INO80: variants seen among roughly 807,000 people sequenced by gnomAD.
INO80 encodes chromatin-remodeling ATPase INO80.
In INO80, 20 loss-of-function variants were observed where a neutral mutation model predicts 203.4. That is an observed-to-expected ratio of 0.10 (90% CI 0.07 to 0.14). INO80 has a LOEUF of 0.14. Among genes scored for constraint, INO80 ranks in the 10% least tolerant of loss-of-function variants. The pLI is 1.00. For missense variants in INO80, 1,419 were observed against 1,914.4 expected, an observed-to-expected ratio of 0.74 and a Z score of 4.83; for synonymous variants, 726 against 685.2, an observed-to-expected ratio of 1.06 and a Z score of -0.93.
chr15:41,056,815 A>T (rs1035957930), intron 16 of INO80, 109 bp from the exon 17 acceptor site: 10 of 790,742 alleles, frequency 1.3e-5, no homozygotes, highest in Non-Finnish European at 2.2e-5. Context: ...TAACATTCAG[A>T]ATCAAGTACT....
chr15:41,084,639 C>A (rs938625364), intron 7 of INO80, among the ~76,000 whole-genome samples: 7 of 152,174 alleles, frequency 4.6e-5, no homozygotes, highest in Non-Finnish European at 1.0e-4. Context: ...TTAACTCGTT[C>A]ACATTTTATT....
intron 1 of INO80, among the ~76,000 whole-genome samples, chr15:41,115,350 T>C (rs2046016622): frequency 6.6e-6 from 1 of 152,188 alleles, no homozygotes. Flanking sequence ...CAAGAAGGAA[T>C]GTCAAAATAG....
intron 1 of INO80, among the ~76,000 whole-genome samples, chr15:41,115,239 T>C (rs138163041): frequency 1.3e-3 from 205 of 152,296 alleles, no homozygotes; most frequent in African/African-American, 4.7e-3. Flanking sequence ...AGTTGGCTGT[T>C]AACTAGAATA....
At chr15:40,985,647 C>T (rs1271739530) in intron 31 of INO80, among the ~76,000 whole-genome samples, 5 of 152,132 alleles carry the variant, frequency 3.3e-5, no homozygotes, top group Admixed American at 1.3e-4. Flanking sequence ...TGGTGACTCA[C>T]GTCTGTAATC....
chr15:41,081,128 A>G, intron 7 of INO80, 55 bp from the exon 8 acceptor site: 1 of 1,110,690 alleles, frequency 9.0e-7, no homozygotes, highest in South Asian at 1.3e-5. Flanking sequence ...AACTAAGACT[A>G]TGTAGAATGA....
At chr15:41,007,202 T>TTA (rs2044057970) in intron 27 of INO80, among the ~76,000 whole-genome samples, 7 of 122,326 alleles carry the variant, frequency 5.7e-5, no homozygotes, top group Admixed American at 5.6e-4. Context: ...TTTTTTTTTT[T>TTA]AGACACTGTC....
At chr15:41,057,358 G>A (rs2045004699) in intron 16 of INO80, among the ~76,000 whole-genome samples, 1 of 151,838 alleles carries the variant, frequency 6.6e-6, no homozygotes, top group Admixed American at 6.6e-5. Flanking sequence ...AGACTGAGAT[G>A]GGAGGATCGT....
intron 9 of INO80, among the ~76,000 whole-genome samples, chr15:41,078,356 A>G (rs914313978): frequency 1.1e-4 from 16 of 152,220 alleles, no homozygotes; most frequent in Non-Finnish European, 1.5e-4. Flanking sequence ...AACATAACTA[A>G]GAATCTAGGT....
chr15:41,009,339 G>A (rs1241510909), intron 27 of INO80, among the ~76,000 whole-genome samples: 3 of 147,784 alleles, frequency 2.0e-5, no homozygotes, highest in South Asian at 2.2e-4. Context: ...CCACTAACTC[G>A]TCATCTAGCA....
intron 14 of INO80, among the ~76,000 whole-genome samples, chr15:41,061,157 G>C (rs887960109): frequency 2.6e-5 from 4 of 151,522 alleles, no homozygotes; most frequent in African/African-American, 9.7e-5. Flanking sequence ...AAATACAAAA[G>C]TTAGCTAGGT....
chr15:41,019,601 T>C (rs2925345), intron 26 of INO80: 65,502 of 152,102 alleles, frequency 0.43, 16,765 homozygotes, highest in East Asian at 0.67. Context: ...ACGGTGCTCA[T>C]CTCTTGCCTG....
intron 27 of INO80, among the ~76,000 whole-genome samples, chr15:41,009,638 G>T (rs1357970299): frequency 4.6e-5 from 7 of 151,904 alleles, no homozygotes; most frequent in African/African-American, 1.7e-4. Flanking sequence ...TATTGCACAG[G>T]ATGAAGTATA....
chr15:41,065,931 T>C (rs2045203834), intron 14 of INO80, among the ~76,000 whole-genome samples: 1 of 151,640 alleles, frequency 6.6e-6, no homozygotes, highest in Admixed American at 6.6e-5. Context: ...GTTATGAAAC[T>C]AGACAGCAGT....
At chr15:40,996,520 T>G (rs1340054722) in intron 29 of INO80, among the ~76,000 whole-genome samples, 1 of 151,770 alleles carries the variant, frequency 6.6e-6, no homozygotes, top group Non-Finnish European at 1.5e-5. Flanking sequence ...GAGACGTGGT[T>G]TCACCATGTT....
intron 16 of INO80, among the ~76,000 whole-genome samples, chr15:41,057,065 A>C (rs1226496016): frequency 6.6e-6 from 1 of 152,198 alleles, no homozygotes; most frequent in South Asian, 2.1e-4. Flanking sequence ...CAAAATTATT[A>C]ATCTGTGCAC....
At chr15:40,985,907 A>T (rs2043726071) in intron 31 of INO80, among the ~76,000 whole-genome samples, 1 of 151,648 alleles carries the variant, frequency 6.6e-6, no homozygotes, top group African/African-American at 2.4e-5. Flanking sequence ...AACTCTGTCT[A>T]AAAAAAAATT....
chr15:41,054,172 A>T (rs1566930222), intron 18 of INO80, among the ~76,000 whole-genome samples, 158 bp from the exon 19 acceptor site: 1 of 152,246 alleles, frequency 6.6e-6, no homozygotes, highest in African/African-American at 2.4e-5. Flanking sequence ...TAGGAAAGCA[A>T]GGAATTTTAA....
intron 9 of INO80, among the ~76,000 whole-genome samples, chr15:41,074,915 G>T (rs1415391925): frequency 6.6e-6 from 1 of 152,026 alleles, no homozygotes; most frequent in Non-Finnish European, 1.5e-5. Context: ...CGGCTAATTT[G>T]TATATTACTA....
Position 40,995,610 on chromosome 15 carries a change from G to C in INO80, c.3570+1919C>G, listed in dbSNP as rs1190608442. Among the ~76,000 whole-genome samples the C allele has an allele frequency of 3.3e-5, 5 of 152,294 alleles. No individual in the cohort carries two copies. The South Asian group carries it at 8.3e-4, about 25-fold the overall frequency. ...ACTAACAGAGTACCAGCATAGCAAAGAATGGATTTGGATCAACAGGTATGA... is the reference window on the plus strand; with the variant it reads ...ACTAACAGAGTACCAGCATAGCAAACAATGGATTTGGATCAACAGGTATGA... On this transcript the variant is annotated intron_variant, in intron 29 of 35. Transcript: ENST00000648947.
Sources: allele counts gnomAD v4.1 joint callset (sites outside exome capture counted in the v4.1 genomes callset), GRCh38; gene constraint gnomAD v4.1.1; transcripts MANE v1.5; gene names NCBI Gene and HGNC (gene_info 2026-07-23, HGNC 2026-07-21).